Variants in ARHGEF11 observed in about 807,000 individuals in gnomAD.
The protein encoded by ARHGEF11 is Rho guanine exchange factor (GEF) 11.
ARHGEF11 carries 55 observed loss-of-function variants against 193.7 expected under a neutral mutation model. That is an observed-to-expected ratio of 0.28 (90% CI 0.23 to 0.36). The LOEUF (loss-of-function observed/expected upper bound fraction) is 0.36. ARHGEF11 is among the 10% of genes least tolerant of loss of function. ARHGEF11 has a pLI of 1.00. For missense variants in ARHGEF11, 1,723 were observed against 2,005.6 expected (o/e 0.86, Z 2.69); for synonymous variants, 693 against 768.0 (o/e 0.90, Z 1.62).
In ARHGEF11 at chr1:156,948,254, C is replaced by A; in HGVS notation, c.2106-26G>T. The stretch of plus-strand genomic sequence containing the variant: ...CTGTGGAGGGAATGTCAACTCTCAG[C>A]AACCCTCTATCCTTGCCGCCACCCC... On this transcript the variant is annotated intron_variant, in intron 23 of 40. Coordinates refer to ENST00000368194, the MANE Select transcript of ARHGEF11 (RefSeq NM_198236.3). The surrounding 1 kb of genome is among the most constrained non-coding windows in gnomAD (Gnocchi z 4.2). The A allele has an allele frequency of 6.3e-7, 1 of 1,597,876 alleles. No individual in the cohort carries two copies.
At chr1:157,007,281 T>C (rs886761853) in intron 1 of ARHGEF11, among the ~76,000 whole-genome samples, 2 of 151,690 alleles carry the variant, frequency 1.3e-5, no homozygotes, top group Non-Finnish European at 2.9e-5. Flanking sequence ...TGGGGATAGA[T>C]GGTTATATGG....
rs1480474251 is a variant in ARHGEF11 at position 156,937,255 on chromosome 1, C to T, written c.4434G>A (p.Arg1478=). The change falls in exon 39 of 41, where the codon AGG becomes AGA. Residue 1478 remains arginine (R), a synonymous_variant. Transcript: ENST00000368194. ...CAAGCCCTGCTTCCCTCACCTTGAG[C>T]CTGTTGAGCTTGAGAGTGAGCTGCT... ...TIEQLTLKLN[R]LKDMELAHRE... The T allele has an allele frequency of 6.2e-7, 1 of 1,613,820 alleles. No individual in the cohort carries two copies. The highest frequency in any genetic ancestry group is 1.7e-5 in the Admixed American group (1 of 60,002).
Position 156,984,365 on chromosome 1 carries a change from A to G in ARHGEF11, c.197T>C (p.Ile66Thr), listed in dbSNP as rs1476022435. The G allele has an allele frequency of 1.3e-6, 2 of 1,595,186 alleles. No individual in the cohort carries two copies. Among genetic ancestry groups the G allele is most frequent in the Non-Finnish European group, 1.7e-6 (2 of 1,170,608 alleles). ...AGGCCGCACAGACTGCACCAGAACA[A>G]TGCGATCCCCACTGACTGTGAAGCC... ...GFGFTVSGDR[I>T]VLVQSVRPGG... The change falls in exon 3 of 41, where the codon ATT (isoleucine) becomes ACT (threonine). Residue 66 changes from isoleucine to threonine, a missense_variant. By Grantham distance (89) the Ile-to-Thr change is moderately conservative. Around this residue, in one of 5 missense-constraint regions of ARHGEF11, gnomAD observed 646 missense variants for 710.7 expected, o/e 0.91. Transcript: ENST00000368194.
intron 1 of ARHGEF11, among the ~76,000 whole-genome samples, chr1:156,988,586 T>A (rs1041041825): frequency 4.6e-5 from 7 of 152,164 alleles, no homozygotes; most frequent in African/African-American, 1.7e-4. Flanking sequence ...AGAACCTGAT[T>A]TGGTTTGCAT....
intron 29 of ARHGEF11, 162 bp downstream of exon 29, chr1:156,945,883 T>C (rs1658016217): frequency 1.7e-6 from 1 of 603,524 alleles, no homozygotes; most frequent in African/African-American, 1.9e-5. Context: ...CCAAAGGACA[T>C]TTACAATCAT....
Position 157,044,490 on chromosome 1 carries a change from C to A in ARHGEF11, c.-160G>T. The A allele has an allele frequency of 3.1e-6, 2 of 643,200 alleles. No homozygotes were observed. The highest frequency in any genetic ancestry group is 2.6e-5 in the East Asian group (1 of 38,852). 39.8% of individuals were successfully genotyped at this position (643,200 alleles called of 1,614,324 possible). On this transcript the variant is annotated 5_prime_UTR_variant, in exon 1 of 41. Coordinates refer to ENST00000368194, the MANE Select transcript of ARHGEF11 (RefSeq NM_198236.3). Reference sequence around the variant, plus strand: ...CTCAGGACCCTGGTAACTGATGCTCCACTCTACTTCTACCAGTGAACATGA... The same window carrying A: ...CTCAGGACCCTGGTAACTGATGCTCAACTCTACTTCTACCAGTGAACATGA...
At chr1:157,046,176 G>C (rs1371778491), upstream of ARHGEF11, among the ~76,000 whole-genome samples, 3 of 148,306 alleles carry the variant, frequency 2.0e-5, no homozygotes, top group East Asian at 4.1e-4. Flanking sequence ...TCCCCGGCCC[G>C]GCCCGCGGGC....
chr1:157,026,832 C>T lies in ARHGEF11; in HGVS notation c.32+17467G>A, dbSNP rs1277387291. Among the ~76,000 whole-genome samples the T allele has an allele frequency of 3.9e-5, 6 of 152,172 alleles. 1 individual carries two copies. Among genetic ancestry groups the T allele is most frequent in the Admixed American group, 3.3e-4 (5 of 15,282 alleles). ...ACTGTTATTATGGATCTATCCTGAC[C>T]CACTGTCTATCAGTGTCTATCAATC... is the stretch of plus-strand genomic sequence containing the variant. On this transcript the variant is annotated intron_variant, in intron 1 of 40. Coordinates refer to ENST00000368194, the MANE Select transcript of ARHGEF11 (RefSeq NM_198236.3).
chr1:156,939,393 T>A, intron 37 of ARHGEF11, 155 bp downstream of exon 37: 1 of 1,008,604 alleles, frequency 9.9e-7, no homozygotes, highest in Non-Finnish European at 1.5e-6. Flanking sequence ...AAAGCCTGCC[T>A]GATATCGGCG....
chr1:156,971,854 G>A, intron 7 of ARHGEF11, 38 bp from the exon 8 acceptor site: 3 of 1,595,320 alleles, frequency 1.9e-6, no homozygotes, highest in Non-Finnish European at 2.6e-6. Flanking sequence ...GAGGGGAAAA[G>A]GCAGAGGGGT....
intron 1 of ARHGEF11, among the ~76,000 whole-genome samples, chr1:157,034,539 C>T (rs1170056921): frequency 6.6e-6 from 1 of 152,176 alleles, no homozygotes; most frequent in East Asian, 1.9e-4. Flanking sequence ...TAGTTCCTGG[C>T]AGGAGTGTTT....
chr1:157,032,025 ATATT>A (rs1336041935), intron 1 of ARHGEF11, among the ~76,000 whole-genome samples: 1 of 152,176 alleles, frequency 6.6e-6, no homozygotes, highest in Non-Finnish European at 1.5e-5. Flanking sequence ...GAAATTATAT[ATATT>A]TGATTTTGAC....
chr1:157,038,114 C>T (rs1039199129), intron 1 of ARHGEF11, among the ~76,000 whole-genome samples: 5 of 151,080 alleles, frequency 3.3e-5, no homozygotes, highest in African/African-American at 1.2e-4. Context: ...CTGCACTGAG[C>T]CATCTGATAA....
At chr1:156,936,124 T>A in intron 40 of ARHGEF11, 66 bp from the exon 41 acceptor site, 1 of 1,525,562 alleles carries the variant, frequency 6.6e-7, no homozygotes, top group Non-Finnish European at 9.1e-7. Context: ...ATGTTTTGTC[T>A]AGAAAGTTCA....
intron 1 of ARHGEF11, among the ~76,000 whole-genome samples, chr1:157,006,390 G>T (rs1348920074): frequency 1.3e-5 from 2 of 152,222 alleles, no homozygotes; most frequent in East Asian, 3.9e-4. Context: ...TGACTGCCAA[G>T]ATTCCTTCCA....
Position 156,980,422 on chromosome 1 carries a change from G to C in ARHGEF11, c.273+15C>G. 1 of 1,602,414 alleles carries C rather than the reference G, an allele frequency of 6.2e-7. No individual in the cohort carries two copies. The highest frequency in any genetic ancestry group is 8.5e-7 in the Non-Finnish European group (1 of 1,173,952). ...TCCACTGCTGGGAGTGGGAGTGTGTGTTGGGGTCACTCACTTTGATGATCC... is the reference window on the plus strand; with the variant it reads ...TCCACTGCTGGGAGTGGGAGTGTGTCTTGGGGTCACTCACTTTGATGATCC... On this transcript the variant is annotated intron_variant, in intron 4 of 40. Transcript: ENST00000368194.
chr1:156,960,502 C>T (rs751827593), intron 14 of ARHGEF11, 42 bp from the exon 15 acceptor site: 2 of 1,606,168 alleles, frequency 1.2e-6, no homozygotes, highest in Non-Finnish European at 1.7e-6. Context: ...CAGGTCTGCA[C>T]ACTCCAGGGA....
rs1656422946 is a variant in ARHGEF11 at position 156,939,908 on chromosome 1, C to T, written c.3736G>A (p.Glu1246Lys). ...CACAGGATCAGATGTCGCAGGTTCT[C>T]CACTGGAGGGGAAACAGGGTGATGT... ...GLADSALEDV[E>K]NLRHLILWSL... The change falls in exon 37 of 41, where the codon GAG becomes AAG. Residue 1246 changes from glutamate (E) to lysine (K), a missense_variant and splice_region_variant. Transcript: ENST00000368194. The T allele has an allele frequency of 1.2e-6, 2 of 1,601,782 alleles. No individual in the cohort carries two copies. The highest frequency in any genetic ancestry group is 2.2e-5 in the South Asian group (2 of 90,878).
At chr1:156,958,592 A>G (rs902631369) in intron 17 of ARHGEF11, 150 bp downstream of exon 17, 8 of 1,121,212 alleles carry the variant, frequency 7.1e-6, no homozygotes, top group Admixed American at 4.7e-5. Context: ...AGCCTGACCA[A>G]TGCAGCAGGA....
Sources: gnomAD v4.1 joint callset for allele counts (sites outside exome capture counted in the v4.1 genomes callset) on GRCh38, gnomAD v4.1.1 for gene constraint, gnomAD v4.1.1 regional missense constraint, Gnocchi (gnomAD v3.1) non-coding constraint, MANE v1.5 for transcripts, NCBI Gene and HGNC (gene_info 2026-07-23, HGNC 2026-07-21) for gene names.